The following MISFA variants were observed in gnomAD, a reference collection of about 807,000 sequenced individuals.
MISFA encodes the protein mitochondrial sheath formation-associated protein.
chr11:18,606,434 T>G, the MISFA span: 1 of 167,634 alleles, frequency 6.0e-6, no homozygotes, highest in African/African-American at 2.4e-5. Context: ...CTACAATTTC[T>G]TGTATACATA....
chr11:18,603,993 C>A, the MISFA span: 1 of 282,836 alleles, frequency 3.5e-6, no homozygotes, highest in East Asian at 5.1e-5. Context: ...GTGGCGCGAT[C>A]TCGGCTCACT....
chr11:18,606,947 G>A, the MISFA span: 21 of 295,830 alleles, frequency 7.1e-5, no homozygotes, highest in Admixed American at 8.5e-4. Flanking sequence ...TGCAACCTCC[G>A]CCTCCCAGGT....
At chr11:18,604,214 A>G in the MISFA span, among the ~76,000 whole-genome samples, 2 of 151,908 alleles carry the variant, frequency 1.3e-5, no homozygotes, top group South Asian at 4.2e-4. Flanking sequence ...GCGTGAGCCA[A>G]TGTGCCCGGC....
At chr11:18,604,933 C>G in the MISFA span, among the ~76,000 whole-genome samples, 5 of 152,110 alleles carry the variant, frequency 3.3e-5, no homozygotes, top group African/African-American at 1.2e-4. Flanking sequence ...GTTTAAATGT[C>G]TCCCTCACCT....
chr11:18,605,701 A>AT, the MISFA span, among the ~76,000 whole-genome samples: 50 of 151,264 alleles, frequency 3.3e-4, no homozygotes, highest in East Asian at 1.4e-3. Flanking sequence ...CTCGTAATAC[A>AT]TTTTTTTTTG....
At chr11:18,600,755 C>G in the MISFA span, among the ~76,000 whole-genome samples, 3 of 147,630 alleles carry the variant, frequency 2.0e-5, no homozygotes, top group East Asian at 2.1e-4. Flanking sequence ...CTCCTAACTT[C>G]GTGATCCGCC....
At chr11:18,604,931 G>A in the MISFA span, among the ~76,000 whole-genome samples, 1 of 152,016 alleles carries the variant, frequency 6.6e-6, no homozygotes, top group Non-Finnish European at 1.5e-5. Context: ...CTGTTTAAAT[G>A]TCTCCCTCAC....
chr11:18,603,593 T>A, the MISFA span, among the ~76,000 whole-genome samples: 3 of 152,246 alleles, frequency 2.0e-5, no homozygotes, highest in Non-Finnish European at 4.4e-5. Flanking sequence ...GTCTTTTCTC[T>A]GCCTCTTGTC....
At chr11:18,607,590 C>G in the MISFA span, 1 of 152,566 alleles carries the variant, frequency 6.6e-6, no homozygotes, top group African/African-American at 2.4e-5. Context: ...AATGAAATAA[C>G]AGCCTACTCC....
chr11:18,603,033 G>A, the MISFA span: 1 of 397,798 alleles, frequency 2.5e-6, no homozygotes, highest in South Asian at 1.3e-4. Flanking sequence ...CCACCATCTG[G>A]ATTCCTACGA....
the MISFA span, chr11:18,603,775 C>T: frequency 2.5e-6 from 1 of 399,122 alleles, no homozygotes; most frequent in Non-Finnish European, 4.4e-6. Flanking sequence ...CCCACAGACT[C>T]CAGTGGAAGT....
chr11:18,604,147 C>T, the MISFA span, among the ~76,000 whole-genome samples: 20 of 151,788 alleles, frequency 1.3e-4, no homozygotes, highest in Admixed American at 2.6e-4. Context: ...AGGATGGTCT[C>T]GATCTCCTGA....
chr11:18,604,129 T>A, the MISFA span, among the ~76,000 whole-genome samples: 1 of 151,742 alleles, frequency 6.6e-6, no homozygotes, highest in Non-Finnish European at 1.5e-5. Flanking sequence ...GGTTTCACCG[T>A]GTTATCCAGG....
the MISFA span, chr11:18,600,014 C>G: frequency 2.5e-6 from 1 of 398,844 alleles, no homozygotes; most frequent in Non-Finnish European, 4.4e-6. Context: ...AATGGCTCTG[C>G]CTGTAAATCC....
At chr11:18,607,439 CATT>C in the MISFA span, 1 of 152,610 alleles carries the variant, frequency 6.6e-6, no homozygotes, top group Non-Finnish European at 1.5e-5. Flanking sequence ...GATCATGTAA[CATT>C]ATTACAATCA....
chr11:18,599,972 A>G, the MISFA span: 10 of 398,942 alleles, frequency 2.5e-5, no homozygotes, highest in Admixed American at 4.4e-5. Flanking sequence ...CTTGTGTGTT[A>G]CATGGGCACG....
At chr11:18,603,637 G>A in the MISFA span, 4 of 397,122 alleles carry the variant, frequency 1.0e-5, no homozygotes, top group Non-Finnish European at 1.8e-5. Flanking sequence ...TTGCATCCGG[G>A]ATCAGAGGCA....
chr11:18,606,268 G>A, the MISFA span: 1 of 159,228 alleles, frequency 6.3e-6, no homozygotes, highest in Middle Eastern at 3.1e-3. Context: ...ATAAGCAGAG[G>A]AGTGTGTGCA....
At chr11:18,604,283 G>C in the MISFA span, among the ~76,000 whole-genome samples, 1 of 152,276 alleles carries the variant, frequency 6.6e-6, no homozygotes, top group South Asian at 2.1e-4. Flanking sequence ...GTAACAGAGA[G>C]ACAGAGGGTG....
Sources: gnomAD v4.1 joint callset for allele counts (sites outside exome capture counted in the v4.1 genomes callset) on GRCh38, gnomAD v4.1.1 for gene constraint, MANE v1.5 for transcripts, NCBI Gene and HGNC (gene_info 2026-07-23, HGNC 2026-07-21) for gene names.